The following LUC7L2 variants were observed in gnomAD, a reference collection of about 807,000 sequenced individuals.
LUC7L2 encodes LUC7 like 2, pre-mRNA splicing factor, also known as putative RNA-binding protein Luc7-like 2.
Under a neutral mutation model 52.8 loss-of-function variants are expected in LUC7L2, and 25 were observed. The observed-to-expected ratio is 0.47, with a 90% CI of 0.34 to 0.66. The LOEUF (loss-of-function observed/expected upper bound fraction) is 0.66. LUC7L2 is among the 30% of genes least tolerant of loss of function. LUC7L2 has a pLI of 0.01. For missense variants in LUC7L2, 328 were observed against 497.8 expected, an observed-to-expected ratio of 0.66 and a Z score of 3.25; for synonymous variants, 144 against 160.9, an observed-to-expected ratio of 0.89 and a Z score of 0.80.
At chr7:139,377,463 G>A (rs1800774973) in intron 2 of LUC7L2, among the ~76,000 whole-genome samples, 1 of 151,472 alleles carries the variant, frequency 6.6e-6, no homozygotes, top group South Asian at 2.1e-4. Flanking sequence ...GCATGATCTT[G>A]GCTTATTGCA....
chr7:139,414,806 C>A (rs1795516114), intron 8 of LUC7L2, among the ~76,000 whole-genome samples: 2 of 152,168 alleles, frequency 1.3e-5, no homozygotes, highest in Non-Finnish European at 2.9e-5. Context: ...TGCTTCAGTG[C>A]CAACCTATCA....
intron 1 of LUC7L2, among the ~76,000 whole-genome samples, chr7:139,349,621 C>CA (rs1006232631): frequency 6.6e-6 from 1 of 150,882 alleles, no homozygotes; most frequent in Non-Finnish European, 1.5e-5. Flanking sequence ...TGCTCCCCCC[C>CA]CCCCCACCGG....
At chr7:139,409,690 C>CT (rs749572407) in intron 7 of LUC7L2, 36 bp downstream of exon 7, 5 of 1,546,906 alleles carry the variant, frequency 3.2e-6, no homozygotes, top group Non-Finnish European at 3.5e-6. Context: ...GAAGTTGAAT[C>CT]TCTGTGGTTC....
chr7:139,423,152 C>T lies in LUC7L2; in HGVS notation c.*812C>T, dbSNP rs1795970138. 3 of 398,878 alleles carry T rather than the reference C, an allele frequency of 7.5e-6. No individual in the cohort carries two copies. Among genetic ancestry groups the T allele is most frequent in the African/African-American group, 2.1e-5 (1 of 48,596 alleles). The allele number at this position is 398,878 out of a possible 1,614,324, so 24.7% of individuals were successfully genotyped here. On this transcript the variant is annotated 3_prime_UTR_variant, in exon 10 of 10. Coordinates refer to ENST00000354926, the MANE Select transcript of LUC7L2 (RefSeq NM_016019.5). ...AATAATAAAATGAAAGAAACAATCA[C>T]CACCACCATTATTAAACTGTAACTT... is the stretch of plus-strand genomic sequence containing the variant.
chr7:139,411,354 GA>G (rs1795352615), intron 7 of LUC7L2, among the ~76,000 whole-genome samples: 2 of 152,070 alleles, frequency 1.3e-5, no homozygotes, highest in Non-Finnish European at 2.9e-5. Context: ...TGGGATAAAA[GA>G]AAAAAATCAT....
At chr7:139,347,067 G>A (rs1349003687) in intron 1 of LUC7L2, among the ~76,000 whole-genome samples, 2 of 151,884 alleles carry the variant, frequency 1.3e-5, no homozygotes, top group East Asian at 1.9e-4. Context: ...CTCAAAAATC[G>A]TTCTCTTTCT....
chr7:139,405,589 AAT>A, intron 4 of LUC7L2, 53 bp from the exon 5 acceptor site: 1 of 1,518,118 alleles, frequency 6.6e-7, no homozygotes, highest in Non-Finnish European at 8.8e-7. Flanking sequence ...AATACTTTGA[AAT>A]TTAAAATTCA....
At chr7:139,355,759 T>C (rs1265167911), upstream of LUC7L2, among the ~76,000 whole-genome samples, 1 of 152,136 alleles carries the variant, frequency 6.6e-6, no homozygotes, top group Non-Finnish European at 1.5e-5. Flanking sequence ...GTGAAAACTA[T>C]CTAATATGCA....
intron 2 of LUC7L2, among the ~76,000 whole-genome samples, chr7:139,387,564 T>C (rs1333074299): frequency 6.6e-6 from 1 of 152,174 alleles, no homozygotes; most frequent in Non-Finnish European, 1.5e-5. Flanking sequence ...GAGAAAATTT[T>C]CGATGAAGTG....
Position 139,422,510 on chromosome 7 carries a change from C to T in LUC7L2, c.*170C>T. ...CTGAACCTGTTTTCCTTGATGATGC[C>T]TAAAACTACATCCATAGTTTCTGGT... On this transcript the variant is annotated 3_prime_UTR_variant, in exon 10 of 10. Transcript: ENST00000354926. 7.8e-7 allele frequency: 1 copy of T among 1,275,390 alleles called. No individual in the cohort carries two copies. Among genetic ancestry groups the T allele is most frequent in the Non-Finnish European group, 1.0e-6 (1 of 998,490 alleles). The allele number at this position is 1,275,390 out of a possible 1,614,324, so 79.0% of individuals were successfully genotyped here. A position where few individuals can be genotyped will look rare whatever the true frequency, so the allele number is the denominator to read the frequency against.
In LUC7L2 at chr7:139,412,226, A is replaced by C. The variant is rs532609214; in HGVS notation, c.780-325A>C. Among the ~76,000 whole-genome samples, 345 of 151,928 alleles carry C rather than the reference A, an allele frequency of 2.3e-3. 3 individuals carry two copies. The highest frequency in any genetic ancestry group is 7.5e-3 in the South Asian group (36 of 4,822). On this transcript the variant is annotated intron_variant, in intron 7 of 9. Transcript: ENST00000354926. ...CAAAAAATGTAAAAATTAAAAAAAA[A>C]AAAAACAAAAACAAAAAACAGAAAA...
chr7:139,361,164 T>C (rs1176175110), intron 1 of LUC7L2, among the ~76,000 whole-genome samples: 1 of 152,246 alleles, frequency 6.6e-6, no homozygotes, highest in African/African-American at 2.4e-5. Flanking sequence ...AATGATGAAA[T>C]GCTGTTGCTT....
Position 139,405,688 on chromosome 7 carries a change from A to G in LUC7L2, c.411A>G (p.Leu137=). ...HELNEEIGKL[L]AKVEQLGAEG... Reference sequence around the variant, plus strand: ...TAAATGAAGAAATTGGTAAATTGTTAGCCAAGGTGGAACAACTAGGAGCTG... The same window carrying G: ...TAAATGAAGAAATTGGTAAATTGTTGGCCAAGGTGGAACAACTAGGAGCTG... The change falls in exon 5 of 10, where the codon TTA becomes TTG. Residue 137 remains leucine (L), a synonymous_variant. Transcript: ENST00000354926. The G allele has an allele frequency of 6.2e-7, 1 of 1,612,686 alleles. No homozygotes were observed. The highest frequency in any genetic ancestry group is 1.1e-5 in the South Asian group (1 of 90,628).
chr7:139,376,632 T>A (rs541421124), intron 2 of LUC7L2, among the ~76,000 whole-genome samples: 2 of 152,332 alleles, frequency 1.3e-5, no homozygotes, highest in East Asian at 3.9e-4. Flanking sequence ...CTCCTGCTAA[T>A]AATGTAAAGC....
intron 8 of LUC7L2, among the ~76,000 whole-genome samples, chr7:139,414,490 T>A (rs981096645): frequency 1.3e-5 from 2 of 152,290 alleles, no homozygotes; most frequent in African/African-American, 4.8e-5. Context: ...AAGCTTGGCA[T>A]AGCCCAAACT....
chr7:139,400,506 C>G (rs963678726), intron 3 of LUC7L2, among the ~76,000 whole-genome samples: 1 of 152,084 alleles, frequency 6.6e-6, no homozygotes, highest in Admixed American at 6.6e-5. Flanking sequence ...GACTCTGTCT[C>G]AAAACACAAA....
Position 139,409,638 on chromosome 7 carries a change from A to G in LUC7L2, c.763A>G (p.Arg255Gly). ...KRREEREREE[R>G]EKLRRSRSHS... is the part of the protein sequence containing the mutation. The stretch of plus-strand genomic sequence containing the variant: ...AAGAGAAGAGAGAGAGAGAGAAGAA[A>G]GGGAGAAGCTGAGGAGGTATGGAGT... The change falls in exon 7 of 10, where the codon AGG (arginine) becomes GGG (glycine). Residue 255 changes from arginine (R) to glycine (G), a missense_variant. Arg to Gly is a moderately radical substitution (Grantham distance 125, BLOSUM62 -2). Transcript: ENST00000354926. 1 of 1,610,680 alleles carries G rather than the reference A, an allele frequency of 6.2e-7. No homozygotes were observed.
intron 7 of LUC7L2, among the ~76,000 whole-genome samples, chr7:139,412,332 T>C (rs1585130967): frequency 6.6e-6 from 1 of 152,132 alleles, no homozygotes; most frequent in East Asian, 1.9e-4. Context: ...TAGGAACATA[T>C]TCTTTAAGAG....
Position 139,422,419 on chromosome 7 carries a change from G to T in LUC7L2, c.*79G>T. 1 of 1,514,168 alleles carries T rather than the reference G, an allele frequency of 6.6e-7. No individual in the cohort carries two copies. The highest frequency in any genetic ancestry group is 1.4e-5 in the South Asian group (1 of 73,138). 93.8% of individuals were successfully genotyped at this position (1,514,168 alleles called of 1,614,324 possible). A position where few individuals can be genotyped will look rare whatever the true frequency, so the allele number is the denominator to read the frequency against. ...TGTTTAGTTCACAGCTGTTCAGGGT[G>T]ACAGTGAGCAGATCCAGACACCAGA... On this transcript the variant is annotated 3_prime_UTR_variant, in exon 10 of 10. Transcript: ENST00000354926.
Sources: gnomAD v4.1 joint callset for allele counts (sites outside exome capture counted in the v4.1 genomes callset) on GRCh38, gnomAD v4.1.1 for gene constraint, MANE v1.5 for transcripts, NCBI Gene and HGNC (gene_info 2026-07-23, HGNC 2026-07-21) for gene names.